The following RAB33A variants were observed in gnomAD, a reference collection of about 807,000 sequenced individuals.
RAB33A encodes the protein RAB33A, member RAS oncogene family, also known as ras-related protein Rab-33A.
In RAB33A, 6 loss-of-function variants were observed where a neutral mutation model predicts 12.0. The ratio of observed to expected loss-of-function variants is 0.50; its 90% CI spans 0.27 to 0.99. The LOEUF is 0.99. RAB33A is among the 50% of genes least tolerant of loss of function. The pLI, the probability that RAB33A is intolerant of heterozygous loss-of-function variation, is 0.11. For synonymous variants in RAB33A, 70 were observed against 82.4 expected (o/e 0.85, Z 0.81); for missense variants, 109 against 192.0 (o/e 0.57, Z 2.55).
At chrX:130,138,642 G>A in the RAB33A span, 10,316 of 1,208,481 alleles carry the variant, frequency 8.5e-3, 208 homozygotes, top group African/African-American at 0.094. Context: ...AGCCCCCACC[G>A]ATAATCGTAA....
the RAB33A span, chrX:130,155,309 G>T: frequency 1.7e-6 from 2 of 1,204,525 alleles, no homozygotes; most frequent in Non-Finnish European, 2.2e-6. Flanking sequence ...ATAAGGCCAA[G>T]AGAGAAACAA....
At chrX:130,149,395 T>C in the RAB33A span, 12 of 888,398 alleles carry the variant, frequency 1.4e-5, no homozygotes, top group Non-Finnish European at 2.0e-5. Flanking sequence ...CATCCATAAA[T>C]CACAGCACCC....
chrX:130,145,278 T>G, the RAB33A span, among the ~76,000 whole-genome samples: 3 of 111,617 alleles, frequency 2.7e-5, no homozygotes, highest in South Asian at 1.1e-3. Context: ...TCAAGTTGAG[T>G]CAGCATGCTA....
At chrX:130,117,991 G>C in the RAB33A span, among the ~76,000 whole-genome samples, 1 of 112,329 alleles carries the variant, frequency 8.9e-6, no homozygotes, top group African/African-American at 3.2e-5. Context: ...GTGAATTTCT[G>C]CAGGCCCTTG....
At chrX:130,165,992 T>C in the RAB33A span, 4 of 311,998 alleles carry the variant, frequency 1.3e-5, no homozygotes, top group South Asian at 1.5e-4. Context: ...TGTGGCACAG[T>C]GTTGGACTGA....
At chrX:130,125,803 G>A in the RAB33A span, among the ~76,000 whole-genome samples, 9 of 111,655 alleles carry the variant, frequency 8.1e-5, no homozygotes, top group Admixed American at 7.6e-4. Context: ...CTGTTGATTA[G>A]AACAACAACA....
chrX:130,145,357 G>A, the RAB33A span: 48 of 580,755 alleles, frequency 8.3e-5, no homozygotes, highest in East Asian at 1.6e-3. Flanking sequence ...AAAGCAGCTC[G>A]ATCCTTCTTT....
chrX:130,127,621 C>A, the RAB33A span, among the ~76,000 whole-genome samples: 2 of 108,383 alleles, frequency 1.8e-5, no homozygotes, highest in African/African-American at 6.8e-5. Flanking sequence ...TTAGTCTTAC[C>A]CCCATCTCTG....
chrX:130,128,339 G>A, the RAB33A span, among the ~76,000 whole-genome samples: 3 of 111,436 alleles, frequency 2.7e-5, no homozygotes, highest in African/African-American at 9.8e-5. Flanking sequence ...TTGGGAGGCC[G>A]AGGCGGGCAG....
chrX:130,172,607 C>A (rs1368229416), intron 1 of RAB33A, among the ~76,000 whole-genome samples: 1 of 111,929 alleles, frequency 8.9e-6, no homozygotes, highest in Non-Finnish European at 1.9e-5. Flanking sequence ...CATCCATGAC[C>A]CCTACCCCGA....
At chrX:130,162,154 A>G in the RAB33A span, among the ~76,000 whole-genome samples, 1 of 112,252 alleles carries the variant, frequency 8.9e-6, no homozygotes, top group South Asian at 3.7e-4. Context: ...AATAAATAGG[A>G]CATAATCCAT....
intron 1 of RAB33A, among the ~76,000 whole-genome samples, chrX:130,177,562 C>T (rs1381785593): frequency 9.0e-6 from 1 of 111,512 alleles, no homozygotes; most frequent in African/African-American, 3.3e-5. Context: ...GTGGAGGTTT[C>T]AGGCCATGAA....
At chrX:130,114,365 C>T in the RAB33A span, among the ~76,000 whole-genome samples, 1 of 111,894 alleles carries the variant, frequency 8.9e-6, no homozygotes, top group African/African-American at 3.2e-5. Flanking sequence ...CTGACCTCAC[C>T]TTGGGGAGCC....
At chrX:130,172,989 C>A (rs1475714008) in intron 1 of RAB33A, among the ~76,000 whole-genome samples, 1 of 111,392 alleles carries the variant, frequency 9.0e-6, no homozygotes, top group Non-Finnish European at 1.9e-5. Flanking sequence ...GGAATGATAT[C>A]TTCTTTACTT....
the RAB33A span, chrX:130,135,929 C>T: frequency 9.8e-7 from 1 of 1,015,912 alleles, no homozygotes; most frequent in South Asian, 1.9e-5. Flanking sequence ...CCTCAGCCTC[C>T]AAACACTCTG....
At chrX:130,160,395 G>A in the RAB33A span, among the ~76,000 whole-genome samples, 1 of 111,935 alleles carries the variant, frequency 8.9e-6, no homozygotes, top group Non-Finnish European at 1.9e-5. Context: ...GTTTTCTGCA[G>A]TCAGACCACA....
chrX:130,176,379 A>G (rs2031664112), intron 1 of RAB33A, among the ~76,000 whole-genome samples: 1 of 111,703 alleles, frequency 9.0e-6, no homozygotes, highest in Admixed American at 9.4e-5. Context: ...TCTGTCTATA[A>G]TAGTTTGGTT....
At chrX:130,138,119 C>A in the RAB33A span, 2 of 116,469 alleles carry the variant, frequency 1.7e-5, no homozygotes, top group Admixed American at 1.8e-4. Context: ...GCTTTTTGGT[C>A]ACCAAGGGAT....
At chrX:130,153,296 T>A in the RAB33A span, among the ~76,000 whole-genome samples, 3 of 100,590 alleles carry the variant, frequency 3.0e-5, no homozygotes, top group Admixed American at 3.2e-4. Flanking sequence ...GACGTATCAG[T>A]TAGCCGAGAT....
Sources: gnomAD v4.1 joint callset for allele counts (sites outside exome capture counted in the v4.1 genomes callset) on GRCh38, gnomAD v4.1.1 for gene constraint, MANE v1.5 for transcripts, NCBI Gene and HGNC (gene_info 2026-07-23, HGNC 2026-07-21) for gene names.